The following LARP1B variants were observed in gnomAD, a reference collection of about 807,000 sequenced individuals.
LARP1B encodes the protein la-related protein 1B.
Under a neutral mutation model 114.2 loss-of-function variants are expected in LARP1B, and 76 were observed. That is an observed-to-expected ratio of 0.67 (90% CI 0.55 to 0.81). The LOEUF (loss-of-function observed/expected upper bound fraction) is 0.81, where lower values mean the gene tolerates loss of function less well. Ranked by LOEUF, LARP1B falls within the 30% of genes least tolerant of loss-of-function variation. The pLI is 0.00. For synonymous variants in LARP1B, 345 were observed against 348.0 expected (o/e 0.99, Z 0.10); for missense variants, 1,014 against 1,075.8 (o/e 0.94, Z 0.80).
At position 128,073,572 on chromosome 4, in the gene LARP1B, G is replaced by GTTTTTTTTTTTTTT. The variant is rs568197117; in HGVS notation, c.-77-864_-77-851dup. On this transcript the variant is annotated intron_variant, in intron 1 of 19. Transcript: ENST00000326639. ...AATTTTCTCCTGTTATATTGTTGTC[G>GTTTTTTTTTTTTTT]TTTTTTTTTTTTTTTTTTTTTTTTT... 4.3e-4 allele frequency among the ~76,000 whole-genome samples: 17 copies of GTTTTTTTTTTTTTT among 39,996 alleles called. 6 individuals are homozygous for GTTTTTTTTTTTTTT. The highest frequency in any genetic ancestry group is 6.0e-4 in the Non-Finnish European group (12 of 19,988). The allele number at this position is 39,996 out of a possible 152,430, so 26.2% of individuals were successfully genotyped here.
chr4:128,162,077 C>T, intron 11 of LARP1B, 117 bp from the exon 12 acceptor site: 1 of 851,192 alleles, frequency 1.2e-6, no homozygotes, highest in Non-Finnish European at 1.8e-6. Context: ...GTCTTTTTCA[C>T]TCCATTGTAA....
chr4:128,154,929 A>G (rs561257213), intron 11 of LARP1B, among the ~76,000 whole-genome samples: 3 of 152,010 alleles, frequency 2.0e-5, no homozygotes, highest in African/African-American at 7.2e-5. Flanking sequence ...GCCCACCACC[A>G]CGCCCAGCTA....
chr4:128,089,426 C>T (rs1363213820), intron 5 of LARP1B, among the ~76,000 whole-genome samples: 5 of 152,134 alleles, frequency 3.3e-5, no homozygotes, highest in African/African-American at 9.7e-5. Context: ...ACCTCTGCCT[C>T]CCAGGTTCAG....
downstream of LARP1B, among the ~76,000 whole-genome samples, chr4:128,212,912 CTT>C (rs1174891101): frequency 0.023 from 1,964 of 83,608 alleles, 7 homozygotes; most frequent in Middle Eastern, 0.049. Flanking sequence ...AAATCTCTCT[CTT>C]TTTTTTTTTT....
intron 19 of LARP1B, among the ~76,000 whole-genome samples, chr4:128,208,013 G>T (rs530319736): frequency 6.6e-6 from 1 of 152,196 alleles, no homozygotes; most frequent in Non-Finnish European, 1.5e-5. Context: ...AGAGGAAAAG[G>T]AGGAAGAAGA....
intron 18 of LARP1B, chr4:128,206,886 G>A (rs970601964): frequency 1.3e-5 from 12 of 944,260 alleles, no homozygotes; most frequent in Admixed American, 6.2e-5. Context: ...AAGAGTGCAG[G>A]CTCTGGGACA....
chr4:128,135,078 G>A (rs992839726), intron 11 of LARP1B, among the ~76,000 whole-genome samples: 9 of 149,938 alleles, frequency 6.0e-5, no homozygotes, highest in Non-Finnish European at 1.2e-4. Context: ...CTCTAGCCTG[G>A]GTGACTGAGA....
At chr4:128,179,661 T>G (rs1427266667) in intron 15 of LARP1B, 149 bp downstream of exon 15, 10 of 495,796 alleles carry the variant, frequency 2.0e-5, no homozygotes, top group Non-Finnish European at 3.5e-5. Context: ...AAAGAAGAGA[T>G]AAGTTTTACA....
intron 11 of LARP1B, among the ~76,000 whole-genome samples, chr4:128,153,626 C>T (rs1388074000): frequency 6.6e-6 from 1 of 152,164 alleles, no homozygotes; most frequent in East Asian, 1.9e-4. Flanking sequence ...AAAATGTGGT[C>T]TTCCCTGGTT....
At chr4:128,069,318 C>T (rs545765135) in intron 1 of LARP1B, 30 of 817,064 alleles carry the variant, frequency 3.7e-5, no homozygotes, top group African/African-American at 2.3e-4. Flanking sequence ...TCCAGCTTGC[C>T]GCTTTGCAAT....
intron 11 of LARP1B, among the ~76,000 whole-genome samples, chr4:128,141,892 A>G (rs1321725683): frequency 6.6e-6 from 1 of 152,154 alleles, no homozygotes; most frequent in Non-Finnish European, 1.5e-5. Context: ...TCACTCTCTT[A>G]TGCAGCATTC....
At chr4:128,159,165 C>G (rs1382454074) in intron 11 of LARP1B, among the ~76,000 whole-genome samples, 1 of 150,302 alleles carries the variant, frequency 6.7e-6, no homozygotes, top group African/African-American at 2.5e-5. Flanking sequence ...AGAGCAAGAC[C>G]CTGTCTCTAG....
intron 8 of LARP1B, among the ~76,000 whole-genome samples, chr4:128,099,506 C>CT (rs1187299978): frequency 2.0e-5 from 3 of 151,820 alleles, no homozygotes; most frequent in Non-Finnish European, 4.4e-5. Context: ...AGGTTGTAGC[C>CT]TTTTGTTTCT....
intron 11 of LARP1B, among the ~76,000 whole-genome samples, chr4:128,151,296 T>C (rs1318697922): frequency 6.6e-6 from 1 of 152,180 alleles, no homozygotes; most frequent in East Asian, 1.9e-4. Context: ...ACCACAATTA[T>C]CAAAAACACA....
Position 128,091,521 on chromosome 4 carries a change from A to G in LARP1B, c.668+9A>G. On this transcript the variant is annotated intron_variant, in intron 7 of 19. Transcript: ENST00000326639. ...TATATTAAGCGTCAAATGTAAGTGG[A>G]TGTTTGATGTAAGCAGACGGGATAG... The G allele has an allele frequency of 6.3e-7, 1 of 1,592,300 alleles. No homozygotes were observed. Among genetic ancestry groups the G allele is most frequent in the South Asian group, 1.2e-5 (1 of 86,382 alleles).
intron 12 of LARP1B, among the ~76,000 whole-genome samples, chr4:128,166,599 C>T (rs1339409415): frequency 6.6e-6 from 1 of 151,670 alleles, no homozygotes; most frequent in Non-Finnish European, 1.5e-5. Context: ...CCTAAAATCT[C>T]TCTTAGCAAA....
chr4:128,193,908 G>A (rs1201721103), intron 15 of LARP1B, among the ~76,000 whole-genome samples: 1 of 152,166 alleles, frequency 6.6e-6, no homozygotes, highest in East Asian at 1.9e-4. Flanking sequence ...GTGAGCCACT[G>A]CGCTTGGCCT....
At chr4:128,108,274 A>G (rs1435736698) in intron 9 of LARP1B, 1 of 1,056,074 alleles carries the variant, frequency 9.5e-7, no homozygotes, top group Non-Finnish European at 1.1e-6. Context: ...GTCCAGATGA[A>G]TAAAGCAGAA....
chr4:128,196,324 C>T (rs1318696484), intron 15 of LARP1B, among the ~76,000 whole-genome samples: 8 of 149,062 alleles, frequency 5.4e-5, no homozygotes, highest in African/African-American at 1.7e-4. Flanking sequence ...TAACACCCAG[C>T]CTGCGCAACA....
Sources: gnomAD v4.1 joint callset for allele counts (sites outside exome capture counted in the v4.1 genomes callset) on GRCh38, gnomAD v4.1.1 for gene constraint, MANE v1.5 for transcripts, NCBI Gene and HGNC (gene_info 2026-07-23, HGNC 2026-07-21) for gene names.